The following WASHC2A variants were observed in gnomAD, a reference collection of about 807,000 sequenced individuals.
The protein encoded by WASHC2A is WASH complex subunit FAM21A.
Under a neutral mutation model 140.3 loss-of-function variants are expected in WASHC2A, and 82 were observed. The observed-to-expected ratio is 0.58, with a 90% confidence interval of 0.49 to 0.70. The LOEUF is 0.70. WASHC2A is among the 30% of genes least tolerant of loss of function. The probability of loss-of-function intolerance (pLI) is 0.00; values close to 1 mark genes in which losing one functional copy is unlikely to be tolerated. For synonymous variants in WASHC2A, 340 were observed against 560.8 expected, an observed-to-expected ratio of 0.61 and a Z score of 5.56; for missense variants, 985 against 1,521.8, an observed-to-expected ratio of 0.65 and a Z score of 5.87.
At chr10:50,124,065 A>G (rs1445999072) in intron 23 of WASHC2A, among the ~76,000 whole-genome samples, 2 of 152,066 alleles carry the variant, frequency 1.3e-5, no homozygotes, top group Admixed American at 1.3e-4. Context: ...TTTTGTTAGA[A>G]GTAAGTTTTT....
At chr10:50,097,845 G>T (rs1472831454) in intron 16 of WASHC2A, 43 bp downstream of exon 16, 37 of 1,611,260 alleles carry the variant, frequency 2.3e-5, no homozygotes, top group African/African-American at 8.0e-5. Flanking sequence ...TTGATCTGCC[G>T]CATTTTAATA....
At chr10:50,113,755 G>A (rs1292597548) in intron 20 of WASHC2A, 140 bp from the exon 21 acceptor site, 1 of 221,910 alleles carries the variant, frequency 4.5e-6, no homozygotes, top group African/African-American at 2.9e-5. Context: ...GCTTTCAACT[G>A]TGTAAGGTCA....
rs1554874752 is a variant in WASHC2A, at chr10:50,068,161, G to A, written c.60G>A (p.Glu20=). The stretch of plus-strand genomic sequence containing the variant: ...CGCCAGCGTCGGAGCCCGTGTGGGA[G>A]CGGCCGTGGTCGGTGGAGGAGATCC... The part of the protein sequence containing the change: ...ELAPASEPVW[E]RPWSVEEIRR... The change falls in exon 2 of 31, where the codon GAG becomes GAA. Residue 20 remains glutamate, a synonymous_variant. Transcript: ENST00000282633. 3 of 1,602,142 alleles carry A rather than the reference G, an allele frequency of 1.9e-6. No individual in the cohort carries two copies. Among genetic ancestry groups the A allele is most frequent in the African/African-American group, 2.7e-5 (2 of 73,210 alleles).
chr10:50,084,604 T>C (rs1839222171), intron 6 of WASHC2A, among the ~76,000 whole-genome samples: 1 of 151,710 alleles, frequency 6.6e-6, no homozygotes, highest in East Asian at 1.9e-4. Context: ...CCAATTTTTG[T>C]ATTTTTAGTA....
chr10:50,090,502 C>CA (rs1228908369), intron 8 of WASHC2A, among the ~76,000 whole-genome samples: 22,822 of 108,132 alleles, frequency 0.21, 2,876 homozygotes, highest in Non-Finnish European at 0.28. Context: ...GACTCCATCT[C>CA]AAAAAAAAAA....
intron 3 of WASHC2A, among the ~76,000 whole-genome samples, chr10:50,077,674 C>A (rs1311014196): frequency 4.6e-5 from 7 of 152,094 alleles, no homozygotes; most frequent in Non-Finnish European, 8.8e-5. Context: ...ATTTTAATTT[C>A]ATTTCATTTT....
intron 28 of WASHC2A, among the ~76,000 whole-genome samples, chr10:50,128,668 G>A (rs1428853915): frequency 0.29 from 44,235 of 151,572 alleles, 7,231 homozygotes; most frequent in Middle Eastern, 0.41. Context: ...CTTTTTTTTA[G>A]TTAAGTTTAA....
chr10:50,070,719 C>T (rs1359144630), intron 3 of WASHC2A, among the ~76,000 whole-genome samples: 2 of 140,370 alleles, frequency 1.4e-5, no homozygotes, highest in Non-Finnish European at 3.1e-5. Flanking sequence ...CAAAGGAGTA[C>T]TTATGAGTTT....
chr10:50,087,825 A>AT (rs1554881519), intron 8 of WASHC2A, among the ~76,000 whole-genome samples: 1 of 151,790 alleles, frequency 6.6e-6, no homozygotes, highest in Non-Finnish European at 1.5e-5. Context: ...TATTATTATT[A>AT]TTTTTTTGAG....
At chr10:50,126,346 C>T (rs1843429182) in intron 26 of WASHC2A, 167 bp downstream of exon 26, 2 of 1,195,206 alleles carry the variant, frequency 1.7e-6, no homozygotes, top group East Asian at 2.4e-5. Flanking sequence ...TCTCCCCTCT[C>T]CTCGCTCCAC....
At position 50,090,882 on chromosome 10, in the gene WASHC2A, G is replaced by T; in HGVS notation, c.839G>T (p.Arg280Ile). The T allele has an allele frequency of 6.2e-7, 1 of 1,611,066 alleles. No individual in the cohort carries two copies. The highest frequency in any genetic ancestry group is 8.5e-7 in the Non-Finnish European group (1 of 1,179,642). ...EDIEDIEENT[R>I]PKRSRPTSFA... ...ATTGAGGACATTGAAGAAAATACTA[G>T]ACCTGTAAGGAAGGCTGTAGTTGCT... Residue 280 changes from arginine to isoleucine, a missense_variant, in exon 9 of 31, where the codon AGA becomes ATA. Coordinates refer to ENST00000282633, the MANE Select transcript of WASHC2A (RefSeq NM_001005751.3).
Position 50,104,095 on chromosome 10 carries a change from T to C in WASHC2A, c.1689T>C (p.Pro563=), listed in dbSNP as rs782648338. Residue 563 remains proline (P), a synonymous_variant, in exon 18 of 31, where the codon CCT becomes CCC. Transcript: ENST00000282633. ...ASKLKGASLL[P]GKLPTLVSLF... ...AGTTAAAAGGTGCGTCTCTGCTGCC[T>C]GGCAAGCTCCCCACGTTGGTTTCCC... 4.2e-5 allele frequency: 61 copies of C among 1,459,046 alleles called. 8 individuals are homozygous for C. In the African/African-American group the frequency reaches 6.8e-4, roughly 16 times the overall value. 90.4% of individuals were successfully genotyped at this position (1,459,046 alleles called of 1,614,324 possible).
At chr10:50,082,011 C>G (rs1203945558) in intron 5 of WASHC2A, among the ~76,000 whole-genome samples, 2 of 152,122 alleles carry the variant, frequency 1.3e-5, no homozygotes, top group Non-Finnish European at 2.9e-5. Context: ...CAAATTGAGG[C>G]AGATCATTTG....
chr10:50,087,743 G>C (rs1263761789), intron 8 of WASHC2A, among the ~76,000 whole-genome samples: 2 of 152,162 alleles, frequency 1.3e-5, no homozygotes, highest in East Asian at 3.8e-4. Flanking sequence ...AGCTAAAGGC[G>C]TATTCTTTTC....
chr10:50,098,226 G>T (rs1402942330), intron 16 of WASHC2A, among the ~76,000 whole-genome samples: 3 of 152,008 alleles, frequency 2.0e-5, no homozygotes, highest in Non-Finnish European at 2.9e-5. Flanking sequence ...TATCTAGTCT[G>T]TATTAGAATT....
intron 5 of WASHC2A, among the ~76,000 whole-genome samples, chr10:50,082,313 A>G (rs1429457759): frequency 1.3e-5 from 2 of 150,928 alleles, no homozygotes; most frequent in African/African-American, 4.9e-5. Flanking sequence ...AACCTTCCCA[A>G]TCTTTCTGTT....
In WASHC2A at chr10:50,069,650, G is replaced by C; in HGVS notation, c.230G>C (p.Cys77Ser). ...ATTCGGGAAACCAAAGCCACAGATT[G>C]TCGCCTGCATAATGTCTTCAATGAC... ...GLIRETKATD[C>S]RLHNVFNDFL... Residue 77 changes from cysteine to serine, a missense_variant, in exon 3 of 31, where the codon TGT becomes TCT. Cys to Ser is a moderately radical substitution (Grantham distance 112). Coordinates refer to ENST00000282633, the MANE Select transcript of WASHC2A (RefSeq NM_001005751.3). 6.2e-7 allele frequency: 1 copy of C among 1,613,982 alleles called. No individual in the cohort carries two copies. The highest frequency in any genetic ancestry group is 8.5e-7 in the Non-Finnish European group (1 of 1,179,866).
chr10:50,115,474 A>T (rs1305457745), intron 21 of WASHC2A, among the ~76,000 whole-genome samples: 20 of 127,818 alleles, frequency 1.6e-4, no homozygotes, highest in African/African-American at 2.6e-4. Context: ...CAGTGAAGCA[A>T]CGGTGACTTT....
chr10:50,127,502 C>T (rs1402166980), intron 27 of WASHC2A, 81 bp from the exon 28 acceptor site: 23 of 1,611,668 alleles, frequency 1.4e-5, no homozygotes, highest in Admixed American at 5.0e-5. Flanking sequence ...TTATGTGCAC[C>T]GAATCTTGTC....
Sources: allele counts gnomAD v4.1 joint callset (sites outside exome capture counted in the v4.1 genomes callset), GRCh38; gene constraint gnomAD v4.1.1; transcripts MANE v1.5; gene names NCBI Gene and HGNC (gene_info 2026-07-23, HGNC 2026-07-21).